CRBN: variants seen among roughly 807,000 people sequenced by gnomAD.
CRBN encodes the protein cereblon, also known as protein cereblon.
Under a neutral mutation model 62.2 loss-of-function variants are expected in CRBN, and 53 were observed. The ratio of observed to expected loss-of-function variants is 0.85; its 90% CI spans 0.68 to 1.07. The LOEUF is 1.07. Ranked by LOEUF, CRBN falls within the 50% of genes least tolerant of loss-of-function variation. CRBN has a pLI of 0.00. For missense variants in CRBN, 616 were observed against 531.1 expected (o/e 1.16, Z -1.57); for synonymous variants, 208 against 176.1 (o/e 1.18, Z -1.43).
chr3:3,173,076 G>C, intron 3 of CRBN, 151 bp from the exon 4 acceptor site: 3 of 703,084 alleles, frequency 4.3e-6, no homozygotes, highest in East Asian at 2.7e-5. Context: ...TTATTTGTTT[G>C]AGATGGAGTC....
chr3:3,172,624 G>A, intron 4 of CRBN, 152 bp downstream of exon 4: 2 of 749,508 alleles, frequency 2.7e-6, no homozygotes, highest in African/African-American at 1.8e-5. Context: ...TGCATAGCAA[G>A]GTTGGAAACC....
chr3:3,177,077 A>G (rs2126070687), intron 1 of CRBN, among the ~76,000 whole-genome samples: 1 of 152,286 alleles, frequency 6.6e-6, no homozygotes, highest in Middle Eastern at 3.4e-3. Context: ...ATGCAGCTAA[A>G]TATCCTACAA....
chr3:3,175,128 A>G lies in CRBN; in HGVS notation c.174+35T>C, dbSNP rs182537090. On this transcript the variant is annotated intron_variant, in intron 2 of 10. Coordinates refer to ENST00000231948, the MANE Select transcript of CRBN (RefSeq NM_016302.4). ...AACTTTTATCTACATTTAAATGTAT[A>G]TCTATTATATTAGATCTGTCACTAA... 7.0e-6 allele frequency: 9 copies of G among 1,278,218 alleles called. No homozygotes were observed. The East Asian group carries it at 2.1e-4, about 30-fold the overall frequency. The allele number at this position is 1,278,218 out of a possible 1,614,324, so 79.2% of individuals were successfully genotyped here.
intron 5 of CRBN, among the ~76,000 whole-genome samples, chr3:3,167,089 T>C (rs1186010685): frequency 6.6e-6 from 1 of 152,110 alleles, no homozygotes; most frequent in African/African-American, 2.4e-5. Context: ...CCTATGACAA[T>C]TATGATTTAG....
intron 5 of CRBN, among the ~76,000 whole-genome samples, chr3:3,156,960 T>C (rs575565838): frequency 9.8e-5 from 15 of 152,330 alleles, no homozygotes; most frequent in Middle Eastern, 6.8e-3. Context: ...GAAATGTGAA[T>C]TGTAGAAATT....
At chr3:3,153,749 C>T (rs965266932) in intron 8 of CRBN, 1 of 617,064 alleles carries the variant, frequency 1.6e-6, no homozygotes, top group Non-Finnish European at 2.9e-6. Context: ...TATTTCCATG[C>T]AGAAATCAAG....
At chr3:3,172,701 A>G in intron 4 of CRBN, 75 bp downstream of exon 4, 1 of 1,454,034 alleles carries the variant, frequency 6.9e-7, no homozygotes. Context: ...AAGGCTCAGT[A>G]GAACAGAAAA....
intron 5 of CRBN, among the ~76,000 whole-genome samples, chr3:3,163,110 T>G (rs1334868018): frequency 1.3e-5 from 2 of 152,206 alleles, no homozygotes; most frequent in Non-Finnish European, 2.9e-5. Context: ...GAACAGAGTT[T>G]GTAGGTCACT....
At chr3:3,156,578 C>G in intron 5 of CRBN, 1 of 414,828 alleles carries the variant, frequency 2.4e-6, no homozygotes, top group Non-Finnish European at 4.4e-6. Context: ...AAACACCATA[C>G]TTCTATTATG....
rs1321714129 is a variant in CRBN at position 3,150,501 on chromosome 3, CATTGTAGGA to C, written c.*355_*363del. On this transcript the variant is annotated 3_prime_UTR_variant, in exon 11 of 11. Transcript: ENST00000231948. ...GATCAAATTATTAGTTTCAGTTTCA[CATTGTAGGA>C]ATTTAAGATTTTTTTTTTTTTTAAC... 2.3e-5 allele frequency: 5 copies of C among 215,598 alleles called. No homozygotes were observed. The highest frequency in any genetic ancestry group is 1.2e-4 in the African/African-American group (5 of 42,060). The allele number at this position is 215,598 out of a possible 1,614,324, so 13.4% of individuals were successfully genotyped here.
At chr3:3,169,493 A>G (rs1481159107) in intron 4 of CRBN, among the ~76,000 whole-genome samples, 1 of 152,202 alleles carries the variant, frequency 6.6e-6, no homozygotes, top group Admixed American at 6.5e-5. Context: ...AAACCGCACA[A>G]ATCTGGAAAA....
chr3:3,167,794 C>A lies in CRBN; in HGVS notation c.528-1G>T. The A allele has an allele frequency of 6.2e-7, 1 of 1,613,166 alleles. No homozygotes were observed. Among genetic ancestry groups the A allele is most frequent in the Non-Finnish European group, 8.5e-7 (1 of 1,179,350 alleles). On this transcript the variant is annotated splice_acceptor_variant, in intron 4 of 10. Coordinates refer to ENST00000231948, the MANE Select transcript of CRBN (RefSeq NM_016302.4). LOFTEE classifies it high-confidence loss of function. ...AATTTGCACTTTAGCTTGCTGGATTCTAAAATAAAGAGAACCAAGCATGGT... is the reference window on the plus strand; with the variant it reads ...AATTTGCACTTTAGCTTGCTGGATTATAAAATAAAGAGAACCAAGCATGGT...
chr3:3,153,645 G>A (rs1706737670), intron 8 of CRBN, 157 bp from the exon 9 acceptor site: 1 of 646,340 alleles, frequency 1.5e-6, no homozygotes, highest in Non-Finnish European at 2.8e-6. Context: ...TAAAGATGGA[G>A]CACGAAAGTC....
intron 5 of CRBN, among the ~76,000 whole-genome samples, chr3:3,164,484 A>T (rs1707251651): frequency 6.6e-6 from 1 of 152,218 alleles, no homozygotes; most frequent in Non-Finnish European, 1.5e-5. Context: ...AGGGGCTAAT[A>T]GCTGGTGACT....
At chr3:3,175,104 A>G (rs1166979212) in intron 2 of CRBN, 59 bp downstream of exon 2, 4 of 1,160,728 alleles carry the variant, frequency 3.4e-6, no homozygotes, top group Middle Eastern at 2.5e-4. Flanking sequence ...GTTTTTATGA[A>G]CTTTTATCTA....
chr3:3,153,335 A>C (rs1706717447), intron 9 of CRBN, 89 bp downstream of exon 9: 6 of 789,810 alleles, frequency 7.6e-6, no homozygotes. Context: ...ACTTTAAGGT[A>C]CTGGAGGAAA....
At position 3,175,669 on chromosome 3, in the gene CRBN, C is replaced by T. The variant is rs191574367; in HGVS notation, c.68-400G>A. The stretch of plus-strand genomic sequence containing the variant: ...CCTTAGTTTTTATCTAGTCTTTTTG[C>T]GTTCCAGGATCCCACTTTACATTTA... On this transcript the variant is annotated intron_variant, in intron 1 of 10. Transcript: ENST00000231948. 1.1e-3 allele frequency among the ~76,000 whole-genome samples: 161 copies of T among 152,166 alleles called. 1 individual carries two copies. Among genetic ancestry groups the T allele is most frequent in the African/African-American group, 3.6e-3 (151 of 41,528 alleles).
chr3:3,150,886 G>A lies in CRBN; in HGVS notation c.1308C>T (p.Asp436=), dbSNP rs147065790. Reference sequence around the variant, plus strand: ...CTGTTTACAAGCAAAGTATTACTTTGTCTGGACTTATTTCATCTTCAGTGT... The same window carrying A: ...CTGTTTACAAGCAAAGTATTACTTTATCTGGACTTATTTCATCTTCAGTGT... The part of the protein sequence containing the change: ...IPDTEDEISP[D]KVILCL Residue 436 remains aspartate (D), a synonymous_variant, in exon 11 of 11, where the codon GAC becomes GAT. Coordinates refer to ENST00000231948, the MANE Select transcript of CRBN (RefSeq NM_016302.4). 145 of 1,613,482 alleles carry A rather than the reference G, an allele frequency of 9.0e-5. No homozygotes were observed. Among genetic ancestry groups the A allele is most frequent in the Non-Finnish European group, 1.2e-4 (138 of 1,179,802 alleles).
intron 3 of CRBN, 185 bp downstream of exon 3, chr3:3,173,874 A>C: frequency 3.2e-6 from 2 of 632,478 alleles, no homozygotes; most frequent in Non-Finnish European, 5.7e-6. Context: ...GTTAGATGGT[A>C]ATGAAATGAA....
Sources: allele counts gnomAD v4.1 joint callset (sites outside exome capture counted in the v4.1 genomes callset), GRCh38; gene constraint gnomAD v4.1.1; transcripts MANE v1.5; gene names NCBI Gene and HGNC (gene_info 2026-07-23, HGNC 2026-07-21).